The following GLYATL2 variants were observed in gnomAD, a reference collection of about 807,000 sequenced individuals.
The protein encoded by GLYATL2 is glycine N-acyltransferase-like protein 2.
Under a neutral mutation model 21.4 loss-of-function variants are expected in GLYATL2, and 25 were observed. That is an observed-to-expected ratio of 1.17 (90% CI 0.85 to 1.63). The LOEUF (loss-of-function observed/expected upper bound fraction) is 1.63. Among genes scored for constraint, GLYATL2 ranks in the 40% most tolerant of loss-of-function variants. The pLI is 0.00. For synonymous variants in GLYATL2, 114 were observed against 118.2 expected (o/e 0.96, Z 0.23); for missense variants, 361 against 343.3 (o/e 1.05, Z -0.41).
Position 58,868,997 on chromosome 11 carries a change from CCA to C in GLYATL2, n.61-30631_61-30630del, listed in dbSNP as rs1191072042. On this transcript the variant is annotated intron_variant and non_coding_transcript_variant, in intron 1 of 4. Transcript: ENST00000533636. ...GAGTTGTTCGTCATTTTGTGTGTGTCCAGGCAAGTGAGTGTCTTTTGTGGGTA... is the reference window on the plus strand; with the variant it reads ...GAGTTGTTCGTCATTTTGTGTGTGTCGGCAAGTGAGTGTCTTTTGTGGGTA... Among the ~76,000 whole-genome samples, 29 of 150,128 alleles carry C rather than the reference CCA, an allele frequency of 1.9e-4. 2 individuals are homozygous for C. The highest frequency in any genetic ancestry group is 1.3e-3 in the East Asian group (6 of 4,668).
At chr11:58,848,515 A>G (rs1185546424), upstream of GLYATL2, among the ~76,000 whole-genome samples, 1 of 152,236 alleles carries the variant, frequency 6.6e-6, no homozygotes, top group Non-Finnish European at 1.5e-5. Flanking sequence ...TGAAATAGTT[A>G]AAAAGAATCA....
chr11:58,886,071 C>A (rs2134617271), intron 1 of GLYATL2, among the ~76,000 whole-genome samples: 1 of 152,164 alleles, frequency 6.6e-6, no homozygotes. Context: ...ACAAAATTAG[C>A]AGGGCATGGT....
chr11:58,839,831 G>A (rs1038540318), intron 1 of GLYATL2, among the ~76,000 whole-genome samples, 179 bp from the exon 2 acceptor site: 1 of 151,958 alleles, frequency 6.6e-6, no homozygotes, highest in Admixed American at 6.6e-5. Context: ...GGTGTAACTA[G>A]ACCTCAGGGC....
chr11:58,899,575 G>A (rs1854697812), intron 1 of GLYATL2, among the ~76,000 whole-genome samples: 1 of 151,986 alleles, frequency 6.6e-6, no homozygotes, highest in African/African-American at 2.4e-5. Context: ...AAACAGGAAG[G>A]GGTTAGGACG....
chr11:58,887,811 A>G (rs1285630215), intron 1 of GLYATL2, among the ~76,000 whole-genome samples: 1 of 152,210 alleles, frequency 6.6e-6, no homozygotes, highest in African/African-American at 2.4e-5. Flanking sequence ...ATCCTTGTAT[A>G]CATGTCTTTA....
At chr11:58,875,566 C>T (rs609715) in intron 1 of GLYATL2, among the ~76,000 whole-genome samples, 134,735 of 152,122 alleles carry the variant, frequency 0.89, 60,876 homozygotes, top group Non-Finnish European at 0.98. Flanking sequence ...TTTGGCTGGA[C>T]ATGAAATTCT....
chr11:58,834,703 A>G lies in GLYATL2; in HGVS notation c.611T>C (p.Val204Ala). ...RCLQDFLGFGVLGPEGQLVSW... is the reference protein window; with the variant it reads ...RCLQDFLGFGALGPEGQLVSW... ...GACAAGCTGGCCCTCTGGACCCAGC[A>G]CACCAAATCCTAGAAAATCCTGGAG... Residue 204 changes from valine to alanine, a missense_variant, in exon 6 of 6, where the codon GTG (valine) becomes GCG (alanine). By Grantham distance (64) the Val-to-Ala change is moderately conservative (BLOSUM62 0). Transcript: ENST00000287275. 6.2e-7 allele frequency: 1 copy of G among 1,613,654 alleles called. No individual in the cohort carries two copies. The highest frequency in any genetic ancestry group is 8.5e-7 in the Non-Finnish European group (1 of 1,180,014).
intron 1 of GLYATL2, among the ~76,000 whole-genome samples, chr11:58,886,363 G>A (rs1854440059): frequency 6.6e-6 from 1 of 152,190 alleles, no homozygotes; most frequent in Non-Finnish European, 1.5e-5. Flanking sequence ...TTCCAATTTA[G>A]AGATGAGGAA....
chr11:58,899,394 G>C (rs953338962), intron 1 of GLYATL2, among the ~76,000 whole-genome samples: 1 of 152,036 alleles, frequency 6.6e-6, no homozygotes, highest in East Asian at 1.9e-4. Context: ...CAGGGAGGCA[G>C]AAACTAAACC....
At chr11:58,843,601 G>C (rs548891062) in intron 1 of GLYATL2, among the ~76,000 whole-genome samples, 1 of 152,230 alleles carries the variant, frequency 6.6e-6, no homozygotes, top group East Asian at 1.9e-4. Context: ...ACAAACTGTA[G>C]CATCCAGGAG....
At chr11:58,881,620 G>A (rs1854336274) in intron 1 of GLYATL2, among the ~76,000 whole-genome samples, 1 of 151,968 alleles carries the variant, frequency 6.6e-6, no homozygotes, top group South Asian at 2.1e-4. Context: ...TAAGTTGTAG[G>A]GAACATGTGC....
At chr11:58,866,762 G>T (rs901343421) in intron 1 of GLYATL2, among the ~76,000 whole-genome samples, 2 of 149,248 alleles carry the variant, frequency 1.3e-5, no homozygotes, top group African/African-American at 4.8e-5. Flanking sequence ...CAGGCATCTA[G>T]TCACTGCCTC....
At chr11:58,866,503 G>C (rs1407144794) in intron 1 of GLYATL2, among the ~76,000 whole-genome samples, 2 of 148,868 alleles carry the variant, frequency 1.3e-5, no homozygotes, top group African/African-American at 2.4e-5. Flanking sequence ...TGAATTAAGA[G>C]TTAGGAAGCT....
chr11:58,900,381 G>C (rs980031961), intron 1 of GLYATL2, among the ~76,000 whole-genome samples: 2 of 152,174 alleles, frequency 1.3e-5, no homozygotes, highest in African/African-American at 4.8e-5. Context: ...TAAATAGAAA[G>C]ACGATTGCGA....
intron 1 of GLYATL2, among the ~76,000 whole-genome samples, chr11:58,855,102 C>CCATGGA (rs1853805972): frequency 1.3e-5 from 2 of 152,214 alleles, no homozygotes; most frequent in Non-Finnish European, 1.5e-5. Flanking sequence ...GCTTGATCTC[C>CCATGGA]TCCCATGGAT....
chr11:58,857,702 C>T (rs1210267641), intron 1 of GLYATL2, among the ~76,000 whole-genome samples: 3 of 152,040 alleles, frequency 2.0e-5, no homozygotes, highest in Non-Finnish European at 4.4e-5. Context: ...TGGACTAGCA[C>T]TTTTAATTTC....
chr11:58,892,381 TGA>T (rs1411741205), intron 1 of GLYATL2: 1 of 153,284 alleles, frequency 6.5e-6, no homozygotes, highest in Non-Finnish European at 1.5e-5. Context: ...CTTCTCAAAT[TGA>T]GTCTTCAGCT....
intron 1 of GLYATL2, among the ~76,000 whole-genome samples, chr11:58,858,103 G>A (rs1311635502): frequency 6.6e-6 from 1 of 152,174 alleles, no homozygotes; most frequent in Non-Finnish European, 1.5e-5. Context: ...CTGTGTGAAT[G>A]TAGCGTGCGT....
chr11:58,834,687 G>T lies in GLYATL2; in HGVS notation c.627C>A (p.Gly209=). Residue 209 remains glycine, a synonymous_variant, in exon 6 of 6, where the codon GGC becomes GGA. Transcript: ENST00000287275. ...CCATCACAATCCAAGAGACAAGCTG[G>T]CCCTCTGGACCCAGCACACCAAATC... is the stretch of plus-strand genomic sequence containing the variant. ...FLGFGVLGPE[G]QLVSWIVMEQ... The T allele has an allele frequency of 1.2e-6, 2 of 1,613,406 alleles. No individual in the cohort carries two copies. The highest frequency in any genetic ancestry group is 2.2e-5 in the South Asian group (2 of 91,024).
Sources: gnomAD v4.1 joint callset for allele counts (sites outside exome capture counted in the v4.1 genomes callset) on GRCh38, gnomAD v4.1.1 for gene constraint, MANE v1.5 for transcripts, NCBI Gene and HGNC (gene_info 2026-07-23, HGNC 2026-07-21) for gene names.